The following ROR2 variants were observed in gnomAD, a reference collection of about 807,000 sequenced individuals.
The protein encoded by ROR2 is ROR family WNT receptor 2, also known as tyrosine-protein kinase transmembrane receptor ROR2.
In ROR2, 33 loss-of-function variants were observed where a neutral mutation model predicts 74.9. The observed-to-expected ratio is 0.44, with a 90% CI of 0.33 to 0.59. The LOEUF (loss-of-function observed/expected upper bound fraction) is 0.59. Ranked by LOEUF, ROR2 falls within the 20% of genes least tolerant of loss-of-function variation. The probability of loss-of-function intolerance (pLI) is 0.02; values close to 1 mark genes in which losing one functional copy is unlikely to be tolerated. For synonymous variants in ROR2, 586 were observed against 558.7 expected, an observed-to-expected ratio of 1.05 and a Z score of -0.69; for missense variants, 1,216 against 1,313.8, an observed-to-expected ratio of 0.93 and a Z score of 1.15.
intron 1 of ROR2, among the ~76,000 whole-genome samples, chr9:91,779,392 C>CA (rs1247649032): frequency 3.0e-5 from 4 of 134,464 alleles, no homozygotes; most frequent in African/African-American, 1.2e-4. Context: ...TTTTTCGAGA[C>CA]AGAGTTTCGC....
intron 1 of ROR2, among the ~76,000 whole-genome samples, chr9:91,870,173 T>A (rs1008007843): frequency 2.6e-5 from 4 of 151,590 alleles, no homozygotes; most frequent in African/African-American, 7.2e-5. Context: ...CTAAAATATT[T>A]ACTATCTGAT....
At chr9:91,904,267 G>C (rs572917618) in intron 1 of ROR2, among the ~76,000 whole-genome samples, 1 of 152,130 alleles carries the variant, frequency 6.6e-6, no homozygotes, top group African/African-American at 2.4e-5. Context: ...GAAGGATCCC[G>C]GGGTGAGGAG....
chr9:91,828,511 C>A (rs1011387768), intron 1 of ROR2, among the ~76,000 whole-genome samples: 12 of 151,982 alleles, frequency 7.9e-5, no homozygotes, highest in African/African-American at 2.7e-4. Flanking sequence ...TTCAGGAGTT[C>A]GAGACCAGCC....
intron 2 of ROR2, among the ~76,000 whole-genome samples, chr9:91,766,366 A>G (rs532564964): frequency 8.9e-4 from 136 of 152,272 alleles, no homozygotes; most frequent in African/African-American, 3.1e-3. Flanking sequence ...TGTCACTTAT[A>G]ATTCTGCTTC....
At chr9:91,852,053 G>A (rs1041003136) in intron 1 of ROR2, among the ~76,000 whole-genome samples, 21 of 151,566 alleles carry the variant, frequency 1.4e-4, no homozygotes, top group African/African-American at 4.3e-4. Flanking sequence ...GAAGTCTCAG[G>A]AGTGTTGTGC....
intron 4 of ROR2, among the ~76,000 whole-genome samples, chr9:91,737,773 T>G (rs540267970): frequency 6.6e-6 from 1 of 152,234 alleles, no homozygotes; most frequent in African/African-American, 2.4e-5. Context: ...CAAACTGTGG[T>G]ACATCCAGAC....
chr9:91,940,803 T>C (rs894083337), intron 1 of ROR2, among the ~76,000 whole-genome samples: 2 of 151,184 alleles, frequency 1.3e-5, no homozygotes, highest in Non-Finnish European at 2.9e-5. Flanking sequence ...GGTTTCACCA[T>C]TTTGGACAGG....
rs558377621 is a variant in ROR2, at chr9:91,792,464, A to T, written c.98-16646T>A. 1.4e-4 allele frequency among the ~76,000 whole-genome samples: 21 copies of T among 152,192 alleles called. 1 individual carries two copies. Among genetic ancestry groups the T allele is most frequent in the African/African-American group, 3.6e-4 (15 of 41,526 alleles). ...GCTGGGACTACAGGCGCCCGCCACC[A>T]CGCCCAGCTAATTTTTTGTACTTTT... is the stretch of plus-strand genomic sequence containing the variant. On this transcript the variant is annotated intron_variant, in intron 1 of 8. Transcript: ENST00000375708.
At chr9:91,773,508 G>A (rs367626959) in intron 2 of ROR2, among the ~76,000 whole-genome samples, 5 of 152,218 alleles carry the variant, frequency 3.3e-5, no homozygotes, top group East Asian at 1.9e-4. Context: ...TGAACTTTCC[G>A]TGATACTGGA....
At chr9:91,930,299 CA>C (rs1429518070) in intron 1 of ROR2, among the ~76,000 whole-genome samples, 1 of 152,200 alleles carries the variant, frequency 6.6e-6, no homozygotes, top group African/African-American at 2.4e-5. Context: ...AACAAAGACT[CA>C]ACTTTTTAGT....
chr9:91,857,645 G>C (rs902039761), intron 1 of ROR2, among the ~76,000 whole-genome samples: 1 of 152,042 alleles, frequency 6.6e-6, no homozygotes, highest in Admixed American at 6.6e-5. Flanking sequence ...CGAGGGGGTG[G>C]CAAGCCCGGA....
intron 5 of ROR2, among the ~76,000 whole-genome samples, chr9:91,735,784 T>C (rs1825004001): frequency 1.3e-5 from 2 of 151,880 alleles, no homozygotes; most frequent in African/African-American, 4.8e-5. Flanking sequence ...GCCCAGCTAA[T>C]TTTTTGTGTT....
chr9:91,772,739 T>G (rs757919626), intron 2 of ROR2, among the ~76,000 whole-genome samples: 21 of 152,170 alleles, frequency 1.4e-4, no homozygotes, highest in Non-Finnish European at 2.8e-4. Context: ...GGGAACGCAC[T>G]GAACACACAT....
intron 1 of ROR2, among the ~76,000 whole-genome samples, chr9:91,784,841 C>T (rs571987026): frequency 1.3e-5 from 2 of 152,316 alleles, no homozygotes; most frequent in East Asian, 1.9e-4. Flanking sequence ...TAACTTTTCC[C>T]TTAATGTCTT....
intron 1 of ROR2, among the ~76,000 whole-genome samples, chr9:91,902,409 C>T (rs1830697610): frequency 6.6e-6 from 1 of 152,054 alleles, no homozygotes; most frequent in African/African-American, 2.4e-5. Context: ...CCAAGCCCAC[C>T]CTGCTTGTAC....
intron 1 of ROR2, among the ~76,000 whole-genome samples, chr9:91,825,496 G>T (rs1828258897): frequency 6.6e-6 from 1 of 152,206 alleles, no homozygotes; most frequent in African/African-American, 2.4e-5. Flanking sequence ...CTGGACAGCT[G>T]CCATTGCCCA....
chr9:91,751,568 AC>A (rs1359864131), intron 4 of ROR2, among the ~76,000 whole-genome samples: 2 of 152,218 alleles, frequency 1.3e-5, no homozygotes, highest in African/African-American at 2.4e-5. Context: ...ACCTTAAAAT[AC>A]ACACAAAATA....
chr9:91,929,790 C>T (rs1211434926), intron 1 of ROR2, among the ~76,000 whole-genome samples: 1 of 152,040 alleles, frequency 6.6e-6, no homozygotes, highest in East Asian at 1.9e-4. Flanking sequence ...TCCATAAACC[C>T]CAGGAAGAGG....
intron 1 of ROR2, among the ~76,000 whole-genome samples, chr9:91,944,331 CATT>C (rs765676051): frequency 1.3e-5 from 2 of 152,180 alleles, no homozygotes; most frequent in African/African-American, 4.8e-5. Flanking sequence ...CTGAAAACAT[CATT>C]ATTTGGCCCA....
Sources: allele counts gnomAD v4.1 joint callset (sites outside exome capture counted in the v4.1 genomes callset), GRCh38; gene constraint gnomAD v4.1.1; transcripts MANE v1.5; gene names NCBI Gene and HGNC (gene_info 2026-07-23, HGNC 2026-07-21).